Variants in RAD51 observed in about 807,000 individuals in gnomAD.
The protein encoded by RAD51 is DNA repair protein RAD51 homolog 1.
Under a neutral mutation model 41.5 loss-of-function variants are expected in RAD51, and 14 were observed. The observed-to-expected ratio is 0.34, with a 90% CI of 0.22 to 0.53. The LOEUF (loss-of-function observed/expected upper bound fraction) is 0.53, where lower values mean the gene tolerates loss of function less well. Ranked by LOEUF, RAD51 falls within the 20% of genes least tolerant of loss-of-function variation. The probability of loss-of-function intolerance (pLI) is 0.95; values close to 1 mark genes in which losing one functional copy is unlikely to be tolerated. For synonymous variants in RAD51, 136 were observed against 148.6 expected (o/e 0.92, Z 0.62); for missense variants, 234 against 422.0 (o/e 0.55, Z 3.90).
At chr15:40,714,114 C>T (rs1895867603) in intron 5 of RAD51, among the ~76,000 whole-genome samples, 1 of 149,850 alleles carries the variant, frequency 6.7e-6, no homozygotes, top group Non-Finnish European at 1.5e-5. Context: ...CAGGTGAATG[C>T]CTCTGCACCC....
intron 5 of RAD51, among the ~76,000 whole-genome samples, chr15:40,709,339 G>C (rs886812536): frequency 9.5e-5 from 14 of 146,628 alleles, no homozygotes; most frequent in Admixed American, 1.4e-4. Flanking sequence ...AAATACTTTT[G>C]CTACCAGGCC....
intron 7 of RAD51, 58 bp downstream of exon 7, chr15:40,728,882 T>A: frequency 7.1e-7 from 1 of 1,415,696 alleles, no homozygotes; most frequent in Non-Finnish European, 1.0e-6. Flanking sequence ...CTGAATCTTG[T>A]AATGGCTATT....
chr15:40,708,221 T>C (rs1895478594), intron 4 of RAD51, among the ~76,000 whole-genome samples: 1 of 150,596 alleles, frequency 6.6e-6, no homozygotes, highest in Non-Finnish European at 1.5e-5. Context: ...TTTCACCATA[T>C]TGTGCCCAGC....
At position 40,731,217 on chromosome 15, in the gene RAD51, G is replaced by T. The variant is rs765677449; in HGVS notation, c.*39G>T. ...TCCTCTGTTAAAAACCTTAAGTGCT[G>T]CAGCCTAATGAGAGTGCACTGCTCC... is the stretch of plus-strand genomic sequence containing the variant. On this transcript the variant is annotated 3_prime_UTR_variant, in exon 10 of 10. Coordinates refer to ENST00000267868, the MANE Select transcript of RAD51 (RefSeq NM_002875.5). 1.2e-5 allele frequency: 19 copies of T among 1,613,092 alleles called. No homozygotes were observed. Among genetic ancestry groups the T allele is most frequent in the African/African-American group, 2.7e-5 (2 of 74,904 alleles).
intron 4 of RAD51, among the ~76,000 whole-genome samples, chr15:40,707,872 C>T (rs920159528): frequency 5.3e-5 from 8 of 152,008 alleles, no homozygotes; most frequent in African/African-American, 1.2e-4. Flanking sequence ...CACCCGCCAC[C>T]GTGCCTGGCT....
At chr15:40,699,279 A>C (rs1180244429) in intron 2 of RAD51, among the ~76,000 whole-genome samples, 1 of 152,102 alleles carries the variant, frequency 6.6e-6, no homozygotes, top group Non-Finnish European at 1.5e-5. Context: ...AAGTAGCTGG[A>C]ATTACAGGCA....
chr15:40,728,673 C>G (rs751136465), intron 6 of RAD51, 38 bp from the exon 7 acceptor site: 12 of 1,548,020 alleles, frequency 7.8e-6, no homozygotes, highest in Middle Eastern at 1.7e-4. Context: ...TGCCTGAGTT[C>G]TGTGTGCAGC....
intron 2 of RAD51, 136 bp from the exon 3 acceptor site, chr15:40,700,928 C>A (rs184057373): frequency 4.9e-6 from 4 of 810,722 alleles, no homozygotes; most frequent in East Asian, 4.2e-5. Flanking sequence ...CATCTCCCCC[C>A]GCCCCCCCAA....
At chr15:40,700,953 A>AG in intron 2 of RAD51, 111 bp from the exon 3 acceptor site, 1 of 748,566 alleles carries the variant, frequency 1.3e-6, no homozygotes, top group Non-Finnish European at 2.1e-6. Flanking sequence ...TTCAAGGGAC[A>AG]GTTGTATTAC....
intron 6 of RAD51, among the ~76,000 whole-genome samples, chr15:40,722,929 A>G (rs1896355959): frequency 6.6e-6 from 1 of 152,232 alleles, no homozygotes; most frequent in African/African-American, 2.4e-5. Context: ...AACCCAAAGA[A>G]TGTGAGAAAA....
chr15:40,727,008 C>T (rs1316347093), intron 6 of RAD51, among the ~76,000 whole-genome samples: 1 of 152,042 alleles, frequency 6.6e-6, no homozygotes, highest in Non-Finnish European at 1.5e-5. Context: ...ACAGAGGTTC[C>T]CATAGTTTTT....
chr15:40,700,465 G>T (rs1894910344), intron 2 of RAD51, among the ~76,000 whole-genome samples: 1 of 152,096 alleles, frequency 6.6e-6, no homozygotes, highest in Admixed American at 6.6e-5. Context: ...AGTTTTTTAT[G>T]TGTGCTTGAT....
chr15:40,718,936 C>T, intron 6 of RAD51, 37 bp downstream of exon 6: 1 of 1,534,406 alleles, frequency 6.5e-7, no homozygotes, highest in Non-Finnish European at 9.0e-7. Flanking sequence ...ACTATGGCTA[C>T]ACTTATCAAT....
chr15:40,724,231 T>C (rs1466616613), intron 6 of RAD51, among the ~76,000 whole-genome samples: 1 of 152,218 alleles, frequency 6.6e-6, no homozygotes, highest in Non-Finnish European at 1.5e-5. Flanking sequence ...AGGATGTATA[T>C]ACTTAATTGT....
At chr15:40,710,501 CAAAA>C (rs747933816) in intron 5 of RAD51, among the ~76,000 whole-genome samples, 2,396 of 48,536 alleles carry the variant, frequency 0.049, 25 homozygotes, top group African/African-American at 0.15. Context: ...GACTCTGTCT[CAAAA>C]AAAAAAAAAA....
rs1436486146 is a variant in RAD51 at position 40,729,954 on chromosome 15, C to T, written c.876C>T (p.Ile292=). ...DPKKPIGGNI[I]AHASTTRLYL... is the part of the protein sequence containing the mutation. The stretch of plus-strand genomic sequence containing the variant: ...AAAAACCTATTGGAGGAAATATCAT[C>T]GCCCATGCATCAACAACCAGGTAAG... The change falls in exon 9 of 10, where the codon ATC becomes ATT. Residue 292 remains isoleucine (I), a synonymous_variant. Coordinates refer to ENST00000267868, the MANE Select transcript of RAD51 (RefSeq NM_002875.5). The T allele has an allele frequency of 3.1e-6, 5 of 1,614,132 alleles. No individual in the cohort carries two copies. The highest frequency in any genetic ancestry group is 4.2e-6 in the Non-Finnish European group (5 of 1,179,992).
At chr15:40,719,792 A>T (rs938277137) in intron 6 of RAD51, among the ~76,000 whole-genome samples, 1 of 152,054 alleles carries the variant, frequency 6.6e-6, no homozygotes, top group East Asian at 1.9e-4. Context: ...AGATCGCGCC[A>T]CTGCACTCCA....
At position 40,720,253 on chromosome 15, in the gene RAD51, TTTGTA is replaced by T. The variant is rs561571223; in HGVS notation, c.530+1357_530+1361del. Among the ~76,000 whole-genome samples, 31 of 151,922 alleles carry T rather than the reference TTTGTA, an allele frequency of 2.0e-4. No individual in the cohort carries two copies. The South Asian group carries it at 6.4e-3, about 31-fold the overall frequency. On this transcript the variant is annotated intron_variant, in intron 6 of 9. Coordinates refer to ENST00000267868, the MANE Select transcript of RAD51 (RefSeq NM_002875.5). ...CAGCCAAAAATTAGCCTGGCTAATT[TTTGTA>T]TTTTTAGAAGAGACAGGGTTTCTCC...
intron 5 of RAD51, among the ~76,000 whole-genome samples, chr15:40,718,563 A>G (rs927225162): frequency 5.3e-5 from 8 of 152,000 alleles, no homozygotes; most frequent in South Asian, 2.1e-4. Context: ...ACTTTGGGCT[A>G]TATTTCTAAG....
Sources: allele counts gnomAD v4.1 joint callset (sites outside exome capture counted in the v4.1 genomes callset), GRCh38; gene constraint gnomAD v4.1.1; transcripts MANE v1.5; gene names NCBI Gene and HGNC (gene_info 2026-07-23, HGNC 2026-07-21).